Variants in FOS observed in about 807,000 individuals in gnomAD.
The protein encoded by FOS is protein c-Fos.
FOS carries 9 observed loss-of-function variants against 27.2 expected under a neutral mutation model. The observed-to-expected ratio is 0.33, with a 90% CI of 0.20 to 0.58. The LOEUF (loss-of-function observed/expected upper bound fraction) is 0.58, where lower values mean the gene tolerates loss of function less well. Ranked by LOEUF, FOS falls within the 20% of genes least tolerant of loss-of-function variation. The pLI, the probability that FOS is intolerant of heterozygous loss-of-function variation, is 0.87. For synonymous variants in FOS, 213 were observed against 205.1 expected, an observed-to-expected ratio of 1.04 and a Z score of -0.33; for missense variants, 405 against 483.5, an observed-to-expected ratio of 0.84 and a Z score of 1.52.
chr14:75,279,860 C>T lies in FOS; in HGVS notation c.142-17C>T, dbSNP rs779695890. Reference sequence around the variant, plus strand: ...CCTGCTCGCTCACGTCGGCTTTCCCCTTCTGTTTTGTTCTAGGACTTCTGC... The same window carrying T: ...CCTGCTCGCTCACGTCGGCTTTCCCTTTCTGTTTTGTTCTAGGACTTCTGC... On this transcript the variant is annotated splice_polypyrimidine_tract_variant and intron_variant, in intron 1 of 3. Transcript: ENST00000303562. The surrounding 1 kb of genome is among the most constrained non-coding windows in gnomAD (Gnocchi z 5.4). The T allele has an allele frequency of 1.9e-6, 3 of 1,573,750 alleles. No individual in the cohort carries two copies. The highest frequency in any genetic ancestry group is 2.7e-5 in the African/African-American group (2 of 73,804).
At chr14:75,280,261 G>T (rs769266671) in intron 2 of FOS, 133 bp downstream of exon 2, 3 of 1,229,558 alleles carry the variant, frequency 2.4e-6, no homozygotes, top group Non-Finnish European at 3.5e-6. Context: ...GGGAGCCCTG[G>T]CTCCAAGCCC....
rs865962345 is a variant in FOS at position 75,279,978 on chromosome 14, C to G, written c.243C>G (p.Leu81=). 6.2e-7 allele frequency: 1 copy of G among 1,614,144 alleles called. No individual in the cohort carries two copies. The highest frequency in any genetic ancestry group is 1.1e-5 in the South Asian group (1 of 91,082). ...TGCAGTGGCTGGTGCAGCCCGCCCT[C>G]GTCTCCTCCGTGGCCCCATCGCAGA... ...PDLQWLVQPA[L]VSSVAPSQTR... is the part of the protein sequence containing the mutation. The change falls in exon 2 of 4, where the codon CTC becomes CTG. Residue 81 remains leucine, a synonymous_variant. Transcript: ENST00000303562. The surrounding 1 kb of genome is among the most constrained non-coding windows in gnomAD (Gnocchi z 5.4).
chr14:75,280,485 T>C, intron 2 of FOS, 75 bp from the exon 3 acceptor site: 1 of 1,200,428 alleles, frequency 8.3e-7, no homozygotes. Flanking sequence ...AGGAGCCAGT[T>C]CTACTGGGGT....
chr14:75,279,818 C>A lies in FOS; in HGVS notation c.142-59C>A. 6.5e-7 allele frequency: 1 copy of A among 1,536,522 alleles called. No homozygotes were observed. Among genetic ancestry groups the A allele is most frequent in the South Asian group, 1.2e-5 (1 of 80,412 alleles). ...GCTGCATGCGGCACTGGGAACTCGCCCCACCTGTGTCCGGAACCTGCTCGC... is the reference window on the plus strand; with the variant it reads ...GCTGCATGCGGCACTGGGAACTCGCACCACCTGTGTCCGGAACCTGCTCGC... On this transcript the variant is annotated intron_variant, in intron 1 of 3. Transcript: ENST00000303562. This position sits in a 1 kb window ranked among gnomAD's most constrained non-coding sequence, Gnocchi z 5.4.
chr14:75,280,216 A>G, intron 2 of FOS, 88 bp downstream of exon 2: 1 of 1,572,004 alleles, frequency 6.4e-7, no homozygotes, highest in Non-Finnish European at 8.7e-7. Flanking sequence ...ACAGAGGATG[A>G]AGCCACTGAT....
rs1181931097 is a variant in FOS, at chr14:75,281,037, A to G, written c.756A>G (p.Ser252=). 2 of 1,613,766 alleles carry G rather than the reference A, an allele frequency of 1.2e-6. No individual in the cohort carries two copies. Among genetic ancestry groups the G allele is most frequent in the Non-Finnish European group, 1.7e-6 (2 of 1,180,024 alleles). ...PLLNDPEPKP[S]VEPVKSISSM... is the part of the protein sequence containing the mutation. The stretch of plus-strand genomic sequence containing the variant: ...TCAATGACCCTGAGCCCAAGCCCTC[A>G]GTGGAACCTGTCAAGAGCATCAGCA... Residue 252 remains serine, a synonymous_variant, in exon 4 of 4, where the codon TCA becomes TCG. Transcript: ENST00000303562. The surrounding 1 kb of genome is among the most constrained non-coding windows in gnomAD (Gnocchi z 4.7).
chr14:75,278,863 C>T lies in FOS; in HGVS notation c.-120C>T, dbSNP rs916024938. The stretch of plus-strand genomic sequence containing the variant: ...GCAGCGAGCATCTGAGAAGCCAAGA[C>T]TGAGCCGGCGGCCGCGGCGCAGCGA... On this transcript the variant is annotated 5_prime_UTR_variant, in exon 1 of 4. Transcript: ENST00000303562. The surrounding 1 kb of genome is among the most constrained non-coding windows in gnomAD (Gnocchi z 4.1). The T allele has an allele frequency of 2.4e-6, 3 of 1,239,656 alleles. No individual in the cohort carries two copies. Among genetic ancestry groups the T allele is most frequent in the Non-Finnish European group, 3.4e-6 (3 of 886,270 alleles). 76.8% of individuals were successfully genotyped at this position (1,239,656 alleles called of 1,614,324 possible).
Position 75,279,355 on chromosome 14 carries a change from C to A in FOS, c.141+232C>A. 1.7e-6 allele frequency: 1 copy of A among 595,070 alleles called. No homozygotes were observed. The allele number at this position is 595,070 out of a possible 1,614,324, so 36.9% of individuals were successfully genotyped here. A position where few individuals can be genotyped will look rare whatever the true frequency, so the allele number is the denominator to read the frequency against. ...GAGGCAGGTTCGTTCTGAGCAACCT[C>A]TGGTCTGCACTCCAGGACGGATCTC... On this transcript the variant is annotated intron_variant, in intron 1 of 3. Coordinates refer to ENST00000303562, the MANE Select transcript of FOS (RefSeq NM_005252.4). The surrounding 1 kb of genome is among the most constrained non-coding windows in gnomAD (Gnocchi z 5.4).
chr14:75,280,659 C>T lies in FOS; in HGVS notation c.493C>T (p.Leu165Phe). The change falls in exon 3 of 4, where the codon CTC becomes TTC. Residue 165 changes from leucine (L) to phenylalanine (F), a missense_variant. By Grantham distance (22) the Leu-to-Phe change is conservative. Transcript: ENST00000303562. The part of the protein sequence containing the change: ...RNRRRELTDT[L>F]QAETDQLEDE... ...CCGGAGGAGGGAGCTGACTGATACACTCCAAGCGGTAGGTACTCTGTGGGT... is the reference window on the plus strand; with the variant it reads ...CCGGAGGAGGGAGCTGACTGATACATTCCAAGCGGTAGGTACTCTGTGGGT... 1 of 1,613,700 alleles carries T rather than the reference C, an allele frequency of 6.2e-7. No homozygotes were observed. The highest frequency in any genetic ancestry group is 8.5e-7 in the Non-Finnish European group (1 of 1,179,806).
At position 75,279,909 on chromosome 14, in the gene FOS, C is replaced by T. The variant is rs1159087315; in HGVS notation, c.174C>T (p.Ala58=). ...GCACGGACCTGGCCGTCTCCAGTGC[C>T]AACTTCATTCCCACGGTCACTGCCA... The part of the protein sequence containing the change: ...DFCTDLAVSS[A]NFIPTVTAIS... Residue 58 remains alanine, a synonymous_variant, in exon 2 of 4, where the codon GCC becomes GCT. Coordinates refer to ENST00000303562, the MANE Select transcript of FOS (RefSeq NM_005252.4). The surrounding 1 kb of genome is among the most constrained non-coding windows in gnomAD (Gnocchi z 5.4). The T allele has an allele frequency of 6.2e-7, 1 of 1,612,814 alleles. No homozygotes were observed. The highest frequency in any genetic ancestry group is 8.5e-7 in the Non-Finnish European group (1 of 1,179,136).
Position 75,281,323 on chromosome 14 carries a change from G to C in FOS, c.1042G>C (p.Ala348Pro), listed in dbSNP as rs774488112. Reference sequence around the variant, plus strand: ...TTCCTTCGTCTTCACCTACCCCGAGGCTGACTCCTTCCCCAGCTGTGCAGC... The same window carrying C: ...TTCCTTCGTCTTCACCTACCCCGAGCCTGACTCCTTCCCCAGCTGTGCAGC... ...TSSFVFTYPE[A>P]DSFPSCAAAH... The change falls in exon 4 of 4, where the codon GCT (alanine) becomes CCT (proline). Residue 348 changes from alanine to proline, a missense_variant. Ala to Pro is a conservative substitution (Grantham distance 27). Transcript: ENST00000303562. The surrounding 1 kb of genome is among the most constrained non-coding windows in gnomAD (Gnocchi z 4.7). 1.9e-6 allele frequency: 3 copies of C among 1,609,598 alleles called. No homozygotes were observed. The highest frequency in any genetic ancestry group is 2.5e-6 in the Non-Finnish European group (3 of 1,179,978).
chr14:75,280,439 G>T, intron 2 of FOS, 121 bp from the exon 3 acceptor site: 2 of 795,466 alleles, frequency 2.5e-6, no homozygotes, highest in Admixed American at 2.6e-5. Context: ...GTCAGAAATG[G>T]TTTCACAGTG....
chr14:75,281,425 G>A lies in FOS; in HGVS notation c.*1G>A, dbSNP rs751768250. The stretch of plus-strand genomic sequence containing the variant: ...CTCACCCACGCTGCTGGCCCTGTGA[G>A]GGGGCAGGGAAGGGGAGGCAGCCGG... On this transcript the variant is annotated 3_prime_UTR_variant, in exon 4 of 4. Coordinates refer to ENST00000303562, the MANE Select transcript of FOS (RefSeq NM_005252.4). The surrounding 1 kb of genome is among the most constrained non-coding windows in gnomAD (Gnocchi z 4.7). 2 of 1,609,524 alleles carry A rather than the reference G, an allele frequency of 1.2e-6. No individual in the cohort carries two copies. Among genetic ancestry groups the A allele is most frequent in the Non-Finnish European group, 1.7e-6 (2 of 1,179,276 alleles).
rs1206271705 is a variant in FOS at position 75,281,276 on chromosome 14, C to T, written c.995C>T (p.Pro332Leu). The T allele has an allele frequency of 1.2e-6, 2 of 1,611,344 alleles. No homozygotes were observed. Among genetic ancestry groups the T allele is most frequent in the Non-Finnish European group, 1.7e-6 (2 of 1,180,002 alleles). ...TGCACTCCGGTGGTCACCTGTACTCCCAGCTGCACTGCTTACACGTCTTCC... is the reference window on the plus strand; with the variant it reads ...TGCACTCCGGTGGTCACCTGTACTCTCAGCTGCACTGCTTACACGTCTTCC... ...PLCTPVVTCTPSCTAYTSSFV... is the reference protein window; with the variant it reads ...PLCTPVVTCTLSCTAYTSSFV... The change falls in exon 4 of 4, where the codon CCC (proline) becomes CTC (leucine). Residue 332 changes from proline to leucine, a missense_variant. Transcript: ENST00000303562. The surrounding 1 kb of genome is among the most constrained non-coding windows in gnomAD (Gnocchi z 4.7).
chr14:75,280,422 A>G (rs1897214362), intron 2 of FOS, 138 bp from the exon 3 acceptor site: 1 of 725,480 alleles, frequency 1.4e-6, no homozygotes, highest in African/African-American at 1.8e-5. Context: ...CTAGTCTGCA[A>G]CTGCAGGTCA....
chr14:75,281,796 G>A lies in FOS; in HGVS notation c.*372G>A. ...TCATTATTGGAATTAACCTGGTGCT[G>A]GATATTTTCAAATTGTATCTAGTGC... On this transcript the variant is annotated 3_prime_UTR_variant, in exon 4 of 4. Coordinates refer to ENST00000303562, the MANE Select transcript of FOS (RefSeq NM_005252.4). This position sits in a 1 kb window ranked among gnomAD's most constrained non-coding sequence, Gnocchi z 4.7. 1 of 235,260 alleles carries A rather than the reference G, an allele frequency of 4.3e-6. No individual in the cohort carries two copies. Among genetic ancestry groups the A allele is most frequent in the Non-Finnish European group, 8.5e-6 (1 of 117,430 alleles). The allele number at this position is 235,260 out of a possible 1,614,324, so 14.6% of individuals were successfully genotyped here. A position where few individuals can be genotyped will look rare whatever the true frequency, so the allele number is the denominator to read the frequency against.
At position 75,281,429 on chromosome 14, in the gene FOS, G is replaced by T; in HGVS notation, c.*5G>T. 6.2e-7 allele frequency: 1 copy of T among 1,608,518 alleles called. No homozygotes were observed. The highest frequency in any genetic ancestry group is 8.5e-7 in the Non-Finnish European group (1 of 1,178,876). On this transcript the variant is annotated 3_prime_UTR_variant, in exon 4 of 4. Transcript: ENST00000303562. This position sits in a 1 kb window ranked among gnomAD's most constrained non-coding sequence, Gnocchi z 4.7. ...CCCACGCTGCTGGCCCTGTGAGGGG[G>T]CAGGGAAGGGGAGGCAGCCGGCACC...
In FOS at chr14:75,280,386, G is replaced by T. The variant is rs577293050; in HGVS notation, c.394-174G>T. ...GGCTCTTCTTTGTTCTCTTGCTGAG[G>T]ATCTTATTTTAAATGCAAGTCACAC... On this transcript the variant is annotated intron_variant, in intron 2 of 3. Coordinates refer to ENST00000303562, the MANE Select transcript of FOS (RefSeq NM_005252.4). The T allele has an allele frequency of 7.4e-5, 51 of 685,194 alleles. 1 individual carries two copies. The East Asian group carries it at 1.3e-3, about 17-fold the overall frequency. The allele number at this position is 685,194 out of a possible 1,614,324, so 42.4% of individuals were successfully genotyped here. A position where few individuals can be genotyped will look rare whatever the true frequency, so the allele number is the denominator to read the frequency against.
Position 75,280,769 on chromosome 14 carries a change from C to T in FOS, c.502-14C>T, listed in dbSNP as rs1233287989. ...GACTGTGTCTTATGCTTTCCTTTAT[C>T]CCTCTGTATACAGGAGACAGACCAA... On this transcript the variant is annotated splice_polypyrimidine_tract_variant and intron_variant, in intron 3 of 3. Transcript: ENST00000303562. 3 of 1,612,308 alleles carry T rather than the reference C, an allele frequency of 1.9e-6. No homozygotes were observed. The highest frequency in any genetic ancestry group is 3.3e-5 in the Admixed American group (2 of 59,898).
Sources: allele counts gnomAD v4.1 joint callset, GRCh38; gene constraint gnomAD v4.1.1; non-coding constraint Gnocchi (gnomAD v3.1); transcripts MANE v1.5; gene names NCBI Gene and HGNC (gene_info 2026-07-23, HGNC 2026-07-21).